Variants in GTF2IRD2B observed in about 807,000 individuals in gnomAD.
GTF2IRD2B encodes the protein general transcription factor II-I repeat domain-containing protein 2B.
GTF2IRD2B carries 10 observed loss-of-function variants against 55.6 expected under a neutral mutation model. That is an observed-to-expected ratio of 0.18 (90% confidence interval 0.11 to 0.31). The LOEUF (loss-of-function observed/expected upper bound fraction) is 0.31. GTF2IRD2B is among the 10% of genes least tolerant of loss of function. The probability of loss-of-function intolerance (pLI) is 1.00; values close to 1 mark genes in which losing one functional copy is unlikely to be tolerated. For missense variants in GTF2IRD2B, 206 were observed against 802.7 expected (o/e 0.26, Z 8.98); for synonymous variants, 107 against 320.5 (o/e 0.33, Z 7.12).
At chr7:75,123,801 C>T (rs1808462977) in intron 6 of GTF2IRD2B, 2 of 426,308 alleles carry the variant, frequency 4.7e-6, no homozygotes, top group South Asian at 4.1e-5. Context: ...TGGCGTGAAC[C>T]CGGGAGGTGG....
intron 1 of GTF2IRD2B, among the ~76,000 whole-genome samples, chr7:75,104,306 G>C (rs1466104199): frequency 1.3e-5 from 2 of 152,036 alleles, no homozygotes; most frequent in African/African-American, 2.4e-5. Context: ...GTAGAGAAGG[G>C]GGGGGTCTCA....
intron 8 of GTF2IRD2B, among the ~76,000 whole-genome samples, chr7:75,132,536 CTCTCCTTCCTTCTTTT>C (rs1808695714): frequency 6.9e-6 from 1 of 144,632 alleles, no homozygotes; most frequent in African/African-American, 2.8e-5. Flanking sequence ...CTTCATCCTC[CTCTCCTTCCTTCTTTT>C]TTTTTTTTTT....
intron 3 of GTF2IRD2B, among the ~76,000 whole-genome samples, chr7:75,117,585 G>T (rs1554537106): frequency 1.3e-5 from 2 of 152,286 alleles, no homozygotes; most frequent in Admixed American, 1.3e-4. Flanking sequence ...AAGTCTTATC[G>T]AAGTCCCAGA....
intron 1 of GTF2IRD2B, among the ~76,000 whole-genome samples, chr7:75,102,145 G>A (rs1452657433): frequency 6.6e-6 from 1 of 150,874 alleles, no homozygotes; most frequent in Non-Finnish European, 1.5e-5. Context: ...TGGGACTACA[G>A]GCGTGCGCCA....
intron 3 of GTF2IRD2B, among the ~76,000 whole-genome samples, chr7:75,119,191 CAAAAAAAAAAAAAAAAAAAAAAAA>C (rs71229657): frequency 2.0e-4 from 1 of 5,128 alleles, no homozygotes; most frequent in Admixed American, 5.7e-3. Flanking sequence ...AAGACTCTCT[CAAAAAAAAAAAAAAAAAAAAAAAA>C]AAAAAAAAAA....
rs2047226279 is a variant in GTF2IRD2B, at chr7:75,123,208, T to C, written c.431T>C (p.Val144Ala). 2 of 1,521,384 alleles carry C rather than the reference T, an allele frequency of 1.3e-6. No homozygotes were observed. Among genetic ancestry groups the C allele is most frequent in the Non-Finnish European group, 1.8e-6 (2 of 1,132,346 alleles). 94.2% of individuals were successfully genotyped at this position (1,521,384 alleles called of 1,614,324 possible). Reference protein sequence around the residue: ...EKMLRDQSAVVVQGLPEGVAF... With the variant: ...EKMLRDQSAVAVQGLPEGVAF... Reference sequence around the variant, plus strand: ...ATGCTGCGAGACCAGTCGGCTGTGGTAGTGCAGGGGCTTCCGGAAGGCGTT... The same window carrying C: ...ATGCTGCGAGACCAGTCGGCTGTGGCAGTGCAGGGGCTTCCGGAAGGCGTT... Residue 144 changes from valine to alanine, a missense_variant, in exon 5 of 16, where the codon GTA becomes GCA. Physicochemically the swap from Val to Ala is moderately conservative, Grantham distance 64. Transcript: ENST00000472837.
At chr7:75,104,250 G>A (rs1807689517) in intron 1 of GTF2IRD2B, among the ~76,000 whole-genome samples, 1 of 150,840 alleles carries the variant, frequency 6.6e-6, no homozygotes, top group Admixed American at 6.6e-5. Flanking sequence ...AGCCTCCGGA[G>A]TAGCTGGGAT....
Position 75,138,621 on chromosome 7 carries a change from C to T in GTF2IRD2B, c.872-329C>T, listed in dbSNP as rs1449923078. Among the ~76,000 whole-genome samples the T allele has an allele frequency of 2.5e-4, 29 of 115,918 alleles. 1 individual carries two copies. The East Asian group carries it at 6.5e-3, about 26-fold the overall frequency. The allele number at this position is 115,918 out of a possible 152,430, so 76.0% of individuals were successfully genotyped here. A position where few individuals can be genotyped will look rare whatever the true frequency, so the allele number is the denominator to read the frequency against. On this transcript the variant is annotated intron_variant, in intron 11 of 15. Coordinates refer to ENST00000472837, the MANE Select transcript of GTF2IRD2B (RefSeq NM_001003795.3). ...GGCAAAGGTTGCAGTGAGCCGAGAT[C>T]GCACCACTGCACTCCAGCCTGGGTG...
At chr7:75,101,428 C>G (rs1183081055) in intron 1 of GTF2IRD2B, among the ~76,000 whole-genome samples, 10 of 150,084 alleles carry the variant, frequency 6.7e-5, no homozygotes, top group African/African-American at 2.2e-4. Context: ...AGCTGAGTGT[C>G]GTGGCACATG....
At chr7:75,105,659 T>G (rs1319339691) in intron 1 of GTF2IRD2B, among the ~76,000 whole-genome samples, 2 of 152,310 alleles carry the variant, frequency 1.3e-5, no homozygotes, top group Non-Finnish European at 2.9e-5. Flanking sequence ...CTCAGAAAGA[T>G]GATAACTCTA....
chr7:75,114,300 A>T (rs587667728), intron 3 of GTF2IRD2B, among the ~76,000 whole-genome samples: 2 of 151,740 alleles, frequency 1.3e-5, no homozygotes, highest in African/African-American at 2.4e-5. Context: ...TGAATTTCTA[A>T]TCACTGGAAT....
At chr7:75,127,110 A>T (rs1554452544) in intron 8 of GTF2IRD2B, among the ~76,000 whole-genome samples, 1 of 151,180 alleles carries the variant, frequency 6.6e-6, no homozygotes, top group Non-Finnish European at 1.5e-5. Context: ...AAATAAATAA[A>T]TAAAGACCAG....
chr7:75,105,877 G>A (rs1226658825), intron 1 of GTF2IRD2B, among the ~76,000 whole-genome samples: 1 of 152,310 alleles, frequency 6.6e-6, no homozygotes, highest in Non-Finnish European at 1.5e-5. Context: ...CACGTTGTCT[G>A]CGATCTGGAA....
rs1808220078 is a variant in GTF2IRD2B, at chr7:75,117,837, C to A, written c.239-3054C>A. Among the ~76,000 whole-genome samples the A allele has an allele frequency of 5.3e-5, 8 of 152,364 alleles. No homozygotes were observed. In the South Asian group the frequency reaches 1.7e-3, roughly 32 times the overall value. ...GTGGCTCACACCTGTAATTCCAGCACTCTGGTAGGCTGAGGCTGGCGGATC... is the reference window on the plus strand; with the variant it reads ...GTGGCTCACACCTGTAATTCCAGCAATCTGGTAGGCTGAGGCTGGCGGATC... On this transcript the variant is annotated intron_variant, in intron 3 of 15. Coordinates refer to ENST00000472837, the MANE Select transcript of GTF2IRD2B (RefSeq NM_001003795.3).
intron 1 of GTF2IRD2B, among the ~76,000 whole-genome samples, chr7:75,096,717 C>T (rs1334385087): frequency 6.7e-6 from 1 of 149,800 alleles, no homozygotes; most frequent in Admixed American, 6.6e-5. Context: ...TGAGCCACCT[C>T]GCCTGGCTAC....
At chr7:75,127,366 G>A (rs1463259258) in intron 8 of GTF2IRD2B, among the ~76,000 whole-genome samples, 1 of 149,676 alleles carries the variant, frequency 6.7e-6, no homozygotes, top group Non-Finnish European at 1.5e-5. Context: ...CTACTCAGGA[G>A]GCTGAGGTGG....
At chr7:75,130,099 T>C (rs1465780448) in intron 8 of GTF2IRD2B, among the ~76,000 whole-genome samples, 1 of 96,872 alleles carries the variant, frequency 1.0e-5, no homozygotes, top group African/African-American at 3.7e-5. Flanking sequence ...TTCTCTTTCT[T>C]TCTTTCTTTC....
At chr7:75,104,725 G>A (rs1353160726) in intron 1 of GTF2IRD2B, among the ~76,000 whole-genome samples, 1 of 152,268 alleles carries the variant, frequency 6.6e-6, no homozygotes, top group African/African-American at 2.4e-5. Context: ...ATTCTTTGAT[G>A]TGCATTTGCT....
chr7:75,116,640 C>CTTTTTTT (rs782017384), intron 3 of GTF2IRD2B, among the ~76,000 whole-genome samples: 1 of 118,326 alleles, frequency 8.5e-6, no homozygotes. Flanking sequence ...TTTGCCATTT[C>CTTTTTTT]TTTTTTTTTT....
Sources: gnomAD v4.1 joint callset for allele counts (sites outside exome capture counted in the v4.1 genomes callset) on GRCh38, gnomAD v4.1.1 for gene constraint, MANE v1.5 for transcripts, NCBI Gene and HGNC (gene_info 2026-07-23, HGNC 2026-07-21) for gene names.